The following ZNF536 variants were observed in gnomAD, a reference collection of about 807,000 sequenced individuals.
The protein encoded by ZNF536 is zinc finger protein 536.
ZNF536 carries 13 observed loss-of-function variants against 84.5 expected under a neutral mutation model. That is an observed-to-expected ratio of 0.15 (90% CI 0.10 to 0.24). ZNF536 has a LOEUF of 0.24. ZNF536 is among the 10% of genes least tolerant of loss of function. ZNF536 has a pLI of 1.00. For missense variants in ZNF536, 1,536 were observed against 1,747.5 expected, an observed-to-expected ratio of 0.88 and a Z score of 2.16; for synonymous variants, 811 against 742.5, an observed-to-expected ratio of 1.09 and a Z score of -1.50.
In ZNF536 at chr19:30,548,733, A is replaced by G. The variant is rs1423955458; in HGVS notation, c.3114A>G (p.Thr1038=). The G allele has an allele frequency of 6.2e-7, 1 of 1,614,020 alleles. No individual in the cohort carries two copies. Among genetic ancestry groups the G allele is most frequent in the Non-Finnish European group, 8.5e-7 (1 of 1,180,048 alleles). The stretch of plus-strand genomic sequence containing the variant: ...GCAAAGATAACACCATCGGGGTCAC[A>G]GTCAACTGCAAAGACCAAGCCCGGG... ...AKRKDNTIGV[T]VNCKDQAREA... is the part of the protein sequence containing the mutation. The change falls in exon 4 of 5, where the codon ACA becomes ACG. Residue 1038 remains threonine (T), a synonymous_variant. Coordinates refer to ENST00000355537, the MANE Select transcript of ZNF536 (RefSeq NM_014717.3).
chr19:30,454,896 G>T (rs1018328164), intron 2 of ZNF536, among the ~76,000 whole-genome samples: 1 of 152,230 alleles, frequency 6.6e-6, no homozygotes, highest in Non-Finnish European at 1.5e-5. Flanking sequence ...AACCGGGCTT[G>T]GTTGTGGGCG....
intron 1 of ZNF536, among the ~76,000 whole-genome samples, chr19:30,657,169 A>ACCTT (rs2049944305): frequency 6.6e-6 from 1 of 152,152 alleles, no homozygotes; most frequent in South Asian, 2.1e-4. Context: ...ATCCAGGAGC[A>ACCTT]CCTTAGAAAG....
intron 1 of ZNF536, among the ~76,000 whole-genome samples, chr19:30,428,365 T>C (rs1225664828): frequency 1.3e-5 from 2 of 152,224 alleles, no homozygotes; most frequent in African/African-American, 2.4e-5. Context: ...TACATTAGCA[T>C]TGCCACCGTA....
Position 30,463,561 on chromosome 19 carries a change from G to A in ZNF536, c.2170+17829G>A, listed in dbSNP as rs113913750. Among the ~76,000 whole-genome samples the A allele has an allele frequency of 7.2e-3, 1,094 of 152,266 alleles. 11 individuals carry two copies. Among genetic ancestry groups the A allele is most frequent in the African/African-American group, 0.025 (1,055 of 41,546 alleles). ...GGCAGGGGTTGTGTTTTCTTCAGCC[G>A]TCTTTCCATCATGCTTCCCTGCACG... On this transcript the variant is annotated intron_variant, in intron 2 of 4. Transcript: ENST00000355537.
At chr19:30,457,375 G>A (rs866570900) in intron 2 of ZNF536, among the ~76,000 whole-genome samples, 2 of 152,366 alleles carry the variant, frequency 1.3e-5, no homozygotes, top group Middle Eastern at 6.8e-3. Context: ...CTGGCTGGGA[G>A]CCACAGTCTA....
chr19:30,282,813 G>A (rs1472137167), intron 1 of ZNF536, among the ~76,000 whole-genome samples: 2 of 152,168 alleles, frequency 1.3e-5, no homozygotes, highest in Non-Finnish European at 2.9e-5. Context: ...CTGGTTCAGG[G>A]AAGAGAGAGA....
intron 2 of ZNF536, among the ~76,000 whole-genome samples, chr19:30,311,322 C>A (rs984710710): frequency 6.6e-6 from 1 of 152,124 alleles, no homozygotes; most frequent in Non-Finnish European, 1.5e-5. Flanking sequence ...CTTTTGCCAC[C>A]CCTGTGTGCA....
intron 2 of ZNF536, among the ~76,000 whole-genome samples, chr19:30,484,685 CT>C (rs869242666): frequency 2.1e-3 from 258 of 120,032 alleles, no homozygotes; most frequent in Middle Eastern, 8.0e-3. Context: ...TCTTCTTCTT[CT>C]TTTTTTTTTT....
chr19:30,280,227 C>T (rs1489424667), intron 1 of ZNF536, among the ~76,000 whole-genome samples: 1 of 152,198 alleles, frequency 6.6e-6, no homozygotes, highest in Middle Eastern at 3.4e-3. Context: ...CTTCCACCTT[C>T]AGACCCTCTC....
At chr19:30,430,429 A>C (rs562037577) in intron 1 of ZNF536, among the ~76,000 whole-genome samples, 1 of 152,256 alleles carries the variant, frequency 6.6e-6, no homozygotes, top group South Asian at 2.1e-4. Flanking sequence ...TGTGGCCCTC[A>C]TGGGGTTTTG....
At chr19:30,333,337 G>C (rs1405995014) in intron 2 of ZNF536, among the ~76,000 whole-genome samples, 1 of 152,120 alleles carries the variant, frequency 6.6e-6, no homozygotes, top group Non-Finnish European at 1.5e-5. Flanking sequence ...AGTTGCAAGG[G>C]AGCACCACCT....
intron 1 of ZNF536, among the ~76,000 whole-genome samples, chr19:30,404,069 G>A (rs1280301226): frequency 7.5e-6 from 1 of 134,178 alleles, no homozygotes; most frequent in Non-Finnish European, 1.5e-5. Context: ...TCCTCATCAC[G>A]GTGCACTATT....
At chr19:30,326,583 C>T (rs968645322) in intron 2 of ZNF536, among the ~76,000 whole-genome samples, 3 of 151,918 alleles carry the variant, frequency 2.0e-5, no homozygotes, top group African/African-American at 7.3e-5. Context: ...CTGCCCCCGA[C>T]GCATAGGTGG....
chr19:30,580,535 C>T (rs536031268), intron 1 of ZNF536, among the ~76,000 whole-genome samples: 24 of 152,098 alleles, frequency 1.6e-4, no homozygotes, highest in South Asian at 1.2e-3. Context: ...TGTGTTTCTG[C>T]GGGCATGCCA....
chr19:30,638,041 C>T (rs1177170633), intron 1 of ZNF536, among the ~76,000 whole-genome samples: 3 of 152,108 alleles, frequency 2.0e-5, no homozygotes, highest in African/African-American at 7.2e-5. Flanking sequence ...TCGATGCAAG[C>T]CCTGAAAACT....
In ZNF536 at chr19:30,548,067, C is replaced by G. The variant is rs1214753916; in HGVS notation, c.2448C>G (p.Pro816=). The G allele has an allele frequency of 6.2e-7, 1 of 1,614,006 alleles. No homozygotes were observed. The highest frequency in any genetic ancestry group is 1.1e-5 in the South Asian group (1 of 91,080). The change falls in exon 4 of 5, where the codon CCC becomes CCG. Residue 816 remains proline (P), a synonymous_variant. Coordinates refer to ENST00000355537, the MANE Select transcript of ZNF536 (RefSeq NM_014717.3). The part of the protein sequence containing the change: ...QNGAGPLSGQ[P]PNQDHKDEMS... ...GGGCTGGGCCGCTGTCTGGGCAACC[C>G]CCAAATCAAGACCACAAGGATGAGA...
At position 30,521,239 on chromosome 19, in the gene ZNF536, G is replaced by A. The variant is rs10164331; in HGVS notation, c.2171-13608G>A. Among the ~76,000 whole-genome samples the A allele has an allele frequency of 9.1e-3, 1,379 of 152,336 alleles. 17 individuals carry two copies. The highest frequency in any genetic ancestry group is 0.031 in the African/African-American group (1,306 of 41,562). ...GTTCAGGCAGCATTAAAAGTGGCCC[G>A]TGTGTCTCCCTGTGTTGAGGAGGAT... On this transcript the variant is annotated intron_variant, in intron 2 of 4. Transcript: ENST00000355537.
intron 1 of ZNF536, among the ~76,000 whole-genome samples, chr19:30,600,335 C>T (rs1035785054): frequency 2.0e-5 from 3 of 152,164 alleles, no homozygotes; most frequent in Non-Finnish European, 4.4e-5. Flanking sequence ...CTCAAGCAAT[C>T]CATGCACCTG....
upstream of ZNF536, among the ~76,000 whole-genome samples, chr19:30,371,836 G>A (rs2048622657): frequency 6.6e-6 from 1 of 151,238 alleles, no homozygotes; most frequent in Non-Finnish European, 1.5e-5. Context: ...ATGTGTGTGT[G>A]TATATATATA....
Sources: allele counts gnomAD v4.1 joint callset (sites outside exome capture counted in the v4.1 genomes callset), GRCh38; gene constraint gnomAD v4.1.1; transcripts MANE v1.5; gene names NCBI Gene and HGNC (gene_info 2026-07-23, HGNC 2026-07-21).